CNTN5: variants seen among roughly 807,000 people sequenced by gnomAD.
The protein encoded by CNTN5 is contactin-5.
A neutral mutation model predicts 129.1 loss-of-function variants in CNTN5; 77 were observed. That is an observed-to-expected ratio of 0.60 (90% CI 0.50 to 0.72). The LOEUF (loss-of-function observed/expected upper bound fraction) is 0.72. Among genes scored for constraint, CNTN5 ranks in the 30% least tolerant of loss-of-function variants. The pLI is 0.00. For synonymous variants in CNTN5, 509 were observed against 465.6 expected, an observed-to-expected ratio of 1.09 and a Z score of -1.20; for missense variants, 1,478 against 1,328.8, an observed-to-expected ratio of 1.11 and a Z score of -1.75.
chr11:99,290,541 A>G (rs1382275309), intron 1 of CNTN5, among the ~76,000 whole-genome samples: 2 of 151,852 alleles, frequency 1.3e-5, no homozygotes, highest in Non-Finnish European at 3.0e-5. Context: ...TTCTACATTT[A>G]CTACAGAAAG....
At chr11:99,852,493 A>G (rs1422660179) in intron 6 of CNTN5, among the ~76,000 whole-genome samples, 1 of 152,200 alleles carries the variant, frequency 6.6e-6, no homozygotes, top group African/African-American at 2.4e-5. Flanking sequence ...TATACTTTTA[A>G]AGCAAATTAT....
intron 13 of CNTN5, among the ~76,000 whole-genome samples, chr11:100,186,828 G>A (rs1209029872): frequency 6.6e-6 from 1 of 152,130 alleles, no homozygotes; most frequent in African/African-American, 2.4e-5. Flanking sequence ...GGGCTGTATT[G>A]TAAGGAAGTA....
chr11:99,046,301 C>T (rs1221536304), intron 1 of CNTN5, among the ~76,000 whole-genome samples: 1 of 152,138 alleles, frequency 6.6e-6, no homozygotes, highest in Non-Finnish European at 1.5e-5. Flanking sequence ...GATTGAGCCA[C>T]TGCACTCCAG....
At chr11:99,725,173 G>C (rs1943295946) in intron 3 of CNTN5, among the ~76,000 whole-genome samples, 1 of 152,078 alleles carries the variant, frequency 6.6e-6, no homozygotes, top group Admixed American at 6.6e-5. Flanking sequence ...ATGGCCTCAG[G>C]AAACAGTTAT....
At chr11:99,531,632 T>G in intron 2 of CNTN5, among the ~76,000 whole-genome samples, 1 of 152,176 alleles carries the variant, frequency 6.6e-6, no homozygotes, top group East Asian at 1.9e-4. Context: ...CCCCGTGCTG[T>G]GTGCAGCCTA....
At chr11:99,699,566 A>G (rs1031666628) in intron 3 of CNTN5, among the ~76,000 whole-genome samples, 6 of 151,550 alleles carry the variant, frequency 4.0e-5, no homozygotes, top group African/African-American at 1.4e-4. Flanking sequence ...AAACTGAATC[A>G]CTACAAAGGC....
chr11:99,662,560 C>T (rs1006812148), intron 3 of CNTN5, among the ~76,000 whole-genome samples: 1 of 152,122 alleles, frequency 6.6e-6, no homozygotes, highest in Non-Finnish European at 1.5e-5. Flanking sequence ...ATAATAAACA[C>T]GTATTTATCT....
intron 2 of CNTN5, among the ~76,000 whole-genome samples, chr11:99,427,825 A>C (rs1163149620): frequency 3.3e-5 from 5 of 151,706 alleles, no homozygotes; most frequent in African/African-American, 4.8e-5. Context: ...TTAAGAACAA[A>C]TGAATACTTT....
chr11:100,291,336 T>C (rs1360178786), intron 18 of CNTN5, among the ~76,000 whole-genome samples: 1 of 151,886 alleles, frequency 6.6e-6, no homozygotes, highest in East Asian at 1.9e-4. Flanking sequence ...CTATTCACAA[T>C]AGCGAAGACT....
intron 2 of CNTN5, among the ~76,000 whole-genome samples, chr11:99,500,293 A>T (rs1444407602): frequency 6.6e-6 from 1 of 152,206 alleles, no homozygotes; most frequent in Non-Finnish European, 1.5e-5. Flanking sequence ...GAACAAATGG[A>T]TTAACCTCTC....
chr11:100,259,224 T>A (rs1277675795), intron 17 of CNTN5, among the ~76,000 whole-genome samples: 2 of 152,034 alleles, frequency 1.3e-5, no homozygotes, highest in African/African-American at 2.4e-5. Flanking sequence ...GGTAAAGGGA[T>A]CAATGCAAAA....
chr11:99,418,287 A>T (rs1230034200), intron 2 of CNTN5, among the ~76,000 whole-genome samples: 1 of 152,186 alleles, frequency 6.6e-6, no homozygotes, highest in African/African-American at 2.4e-5. Context: ...AACTTTAAAA[A>T]AAAGGTATGA....
chr11:99,665,528 C>T (rs1952755627), intron 3 of CNTN5, among the ~76,000 whole-genome samples: 1 of 123,648 alleles, frequency 8.1e-6, no homozygotes, highest in Admixed American at 1.0e-4. Flanking sequence ...CTCTGTTGCT[C>T]AGGCTGGAGT....
intron 13 of CNTN5, among the ~76,000 whole-genome samples, chr11:100,107,011 T>G (rs1945462687): frequency 6.6e-6 from 1 of 152,184 alleles, no homozygotes; most frequent in Non-Finnish European, 1.5e-5. Flanking sequence ...TTAACTACAG[T>G]CATACCTATT....
chr11:99,892,472 A>T (rs1949088159), intron 6 of CNTN5, among the ~76,000 whole-genome samples: 1 of 152,178 alleles, frequency 6.6e-6, no homozygotes, highest in Non-Finnish European at 1.5e-5. Flanking sequence ...CTTACATTTA[A>T]GTCTTTAATC....
chr11:100,196,289 C>G (rs1948636671), intron 15 of CNTN5, among the ~76,000 whole-genome samples: 1 of 151,524 alleles, frequency 6.6e-6, no homozygotes, highest in African/African-American at 2.4e-5. Context: ...GTAACTTAAA[C>G]TAACTAAACC....
chr11:100,134,138 C>T (rs1446195520), intron 13 of CNTN5, among the ~76,000 whole-genome samples: 1 of 152,074 alleles, frequency 6.6e-6, no homozygotes, highest in Admixed American at 6.6e-5. Flanking sequence ...ATGTCTTCTG[C>T]AGGAGATAGA....
At chr11:100,010,035 A>C (rs1263441630) in intron 9 of CNTN5, among the ~76,000 whole-genome samples, 1 of 152,174 alleles carries the variant, frequency 6.6e-6, no homozygotes, top group Non-Finnish European at 1.5e-5. Flanking sequence ...GATATTTCCA[A>C]GGTCGGCTTT....
intron 13 of CNTN5, among the ~76,000 whole-genome samples, chr11:100,147,719 G>C (rs1946901187): frequency 7.6e-6 from 1 of 132,326 alleles, no homozygotes; most frequent in African/African-American, 2.8e-5. Context: ...CCACAGAGAA[G>C]AAAATGACTA....
Sources: allele counts gnomAD v4.1 joint callset (sites outside exome capture counted in the v4.1 genomes callset), GRCh38; gene constraint gnomAD v4.1.1; transcripts MANE v1.5; gene names NCBI Gene and HGNC (gene_info 2026-07-23, HGNC 2026-07-21).